SH2D3C: variants seen among roughly 807,000 people sequenced by gnomAD.
SH2D3C encodes the protein SH2 domain-containing protein 3C.
SH2D3C carries 25 observed loss-of-function variants against 75.2 expected under a neutral mutation model. That is an observed-to-expected ratio of 0.33 (90% CI 0.24 to 0.46). The LOEUF (loss-of-function observed/expected upper bound fraction) is 0.46. Among genes scored for constraint, SH2D3C ranks in the 20% least tolerant of loss-of-function variants. SH2D3C has a pLI of 1.00. For synonymous variants in SH2D3C, 450 were observed against 473.7 expected (o/e 0.95, Z 0.65); for missense variants, 933 against 1,165.3 (o/e 0.80, Z 2.90).
At chr9:127,762,313 C>A in intron 2 of SH2D3C, 1 of 1,294,884 alleles carries the variant, frequency 7.7e-7, no homozygotes. Context: ...CTCCCCCCAC[C>A]GCATGGCCTT....
At chr9:127,776,460 A>C (rs1477547092) in intron 1 of SH2D3C, among the ~76,000 whole-genome samples, 1 of 152,052 alleles carries the variant, frequency 6.6e-6, no homozygotes, top group Non-Finnish European at 1.5e-5. Context: ...CTCCAGACTC[A>C]AGAGGAACGG....
In SH2D3C at chr9:127,774,263, G is replaced by A. The variant is rs1328427044; in HGVS notation, c.242C>T (p.Pro81Leu). ...SDMYSHMGTM[P>L]RPSIKKAQNS... ...CTGTGCTTTCTTGATGCTGGGGCGA[G>A]GCATGGTGCCCATGTGGCTGTACAT... The change falls in exon 2 of 12, where the codon CCT (proline) becomes CTT (leucine). Residue 81 changes from proline to leucine, a missense_variant. By Grantham distance (98) the Pro-to-Leu change is moderately conservative. Coordinates refer to ENST00000314830, the MANE Select transcript of SH2D3C (RefSeq NM_170600.3). This position sits in a 1 kb window ranked among gnomAD's most constrained non-coding sequence, Gnocchi z 4.3. 1.2e-6 allele frequency: 2 copies of A among 1,614,054 alleles called. No homozygotes were observed. Among genetic ancestry groups the A allele is most frequent in the Non-Finnish European group, 1.7e-6 (2 of 1,179,958 alleles).
chr9:127,748,357 C>T (rs1845095551), intron 5 of SH2D3C, among the ~76,000 whole-genome samples: 3 of 152,180 alleles, frequency 2.0e-5, no homozygotes, highest in African/African-American at 7.2e-5. Flanking sequence ...TTCATCAATT[C>T]CTTGACTGGG....
chr9:127,738,899 G>A lies in SH2D3C; in HGVS notation c.2430C>T (p.Leu810=), dbSNP rs1844763916. 6.3e-7 allele frequency: 1 copy of A among 1,590,108 alleles called. No homozygotes were observed. The highest frequency in any genetic ancestry group is 8.6e-7 in the Non-Finnish European group (1 of 1,168,128). ...GGAACTCCGTGCTGAACACCTCCAG[G>A]AGCTCCGGCCGGGCCTGGAACCCTG... ...KLQGFQARPE[L]LEVFSTEFQM... Residue 810 remains leucine, a synonymous_variant, in exon 12 of 12, where the codon CTC becomes CTT. Coordinates refer to ENST00000314830, the MANE Select transcript of SH2D3C (RefSeq NM_170600.3). This position sits in a 1 kb window ranked among gnomAD's most constrained non-coding sequence, Gnocchi z 5.0.
intron 1 of SH2D3C, among the ~76,000 whole-genome samples, chr9:127,777,811 G>A (rs1249550426): frequency 1.3e-5 from 2 of 152,082 alleles, no homozygotes; most frequent in South Asian, 2.1e-4. Context: ...AGAAAGCCAC[G>A]GGATGCCCAG....
chr9:127,764,113 T>C (rs985469953), intron 2 of SH2D3C, among the ~76,000 whole-genome samples: 16 of 152,220 alleles, frequency 1.1e-4, no homozygotes, highest in African/African-American at 3.9e-4. Context: ...CTGCTTCCTG[T>C]ACTTCCCCTC....
intron 2 of SH2D3C, among the ~76,000 whole-genome samples, chr9:127,769,927 G>A (rs1424667865): frequency 6.6e-6 from 1 of 152,182 alleles, no homozygotes; most frequent in Non-Finnish European, 1.5e-5. Flanking sequence ...CCTGTCAGGT[G>A]CTTGCTGGTT....
intron 3 of SH2D3C, among the ~76,000 whole-genome samples, chr9:127,752,737 T>A (rs1289434708): frequency 6.6e-6 from 1 of 152,020 alleles, no homozygotes; most frequent in African/African-American, 2.4e-5. Context: ...ATTGACTAGG[T>A]CCCTATCCTG....
At chr9:127,770,876 G>T (rs1845719696) in intron 2 of SH2D3C, among the ~76,000 whole-genome samples, 1 of 152,174 alleles carries the variant, frequency 6.6e-6, no homozygotes, top group Non-Finnish European at 1.5e-5. Context: ...AAGAGCATGG[G>T]CCAGGAAGCT....
At chr9:127,752,545 G>A (rs920282665) in intron 3 of SH2D3C, among the ~76,000 whole-genome samples, 5 of 152,042 alleles carry the variant, frequency 3.3e-5, no homozygotes, top group African/African-American at 1.2e-4. Flanking sequence ...CTGAGAGTCC[G>A]AAGGTCCTCC....
rs1247209185 is a variant in SH2D3C, at chr9:127,762,371, C to T, written c.516-721G>A. The T allele has an allele frequency of 7.8e-6, 10 of 1,288,948 alleles. No homozygotes were observed. In the East Asian group the frequency reaches 5.0e-4, roughly 65 times the overall value. The allele number at this position is 1,288,948 out of a possible 1,614,324, so 79.8% of individuals were successfully genotyped here. ...CAGCCTGGACCTGCCCCTCCAACCCCAGACTTGGAAACCCAACTACCTCCT... is the reference window on the plus strand; with the variant it reads ...CAGCCTGGACCTGCCCCTCCAACCCTAGACTTGGAAACCCAACTACCTCCT... On this transcript the variant is annotated intron_variant, in intron 2 of 11. Transcript: ENST00000314830.
chr9:127,757,626 TGATGATGATGATGATGATG>T lies in SH2D3C; in HGVS notation c.555+3966_555+3984del, dbSNP rs1588511731. ...CAGATGATGATGATGATGATGATGA[TGATGATGATGATGATGATG>T]ATTATTATTATTATTATTATTATTT... On this transcript the variant is annotated intron_variant, in intron 3 of 11. Transcript: ENST00000314830. Among the ~76,000 whole-genome samples the T allele has an allele frequency of 6.4e-5, 8 of 125,602 alleles. No homozygotes were observed. The East Asian group carries it at 1.6e-3, about 25-fold the overall frequency. The allele number at this position is 125,602 out of a possible 152,430, so 82.4% of individuals were successfully genotyped here. A position where few individuals can be genotyped will look rare whatever the true frequency, so the allele number is the denominator to read the frequency against.
At chr9:127,771,207 C>A in intron 2 of SH2D3C, 2 of 1,546,872 alleles carry the variant, frequency 1.3e-6, no homozygotes, top group Non-Finnish European at 1.7e-6. Context: ...CAGCGCGGGG[C>A]ACCTTCGGCC....
intron 2 of SH2D3C, among the ~76,000 whole-genome samples, chr9:127,770,539 T>C (rs1013577446): frequency 6.6e-6 from 1 of 152,076 alleles, no homozygotes; most frequent in African/African-American, 2.4e-5. Flanking sequence ...AGGGTTGAGG[T>C]TCAGGGACTT....
chr9:127,767,151 T>C, intron 2 of SH2D3C: 2 of 1,535,412 alleles, frequency 1.3e-6, no homozygotes, highest in Non-Finnish European at 1.7e-6. Context: ...TGGGCTGCAG[T>C]GTCCAGCAGG....
intron 3 of SH2D3C, among the ~76,000 whole-genome samples, chr9:127,757,660 T>TC (rs1845429219): frequency 6.8e-6 from 1 of 147,038 alleles, no homozygotes; most frequent in African/African-American, 2.5e-5. Context: ...TTATTATTAT[T>TC]ATTATTATTT....
chr9:127,747,081 C>T (rs897692081), intron 6 of SH2D3C, 66 bp downstream of exon 6: 10 of 1,551,136 alleles, frequency 6.4e-6, no homozygotes, highest in Non-Finnish European at 7.9e-6. Flanking sequence ...CATAACCACA[C>T]ATAGGTGACA....
rs574304114 is a variant in SH2D3C at position 127,747,496 on chromosome 9, T to C, written c.1140-225A>G. 5.9e-5 allele frequency among the ~76,000 whole-genome samples: 9 copies of C among 152,098 alleles called. No individual in the cohort carries two copies. The East Asian group carries it at 1.7e-3, about 29-fold the overall frequency. ...TAGGAACCCTGGTGGCTAGAACGCC[T>C]GGTTTCTTTTTTTCTTTTTTTGTCT... On this transcript the variant is annotated intron_variant, in intron 5 of 11. Transcript: ENST00000314830.
chr9:127,770,711 C>G (rs1845716831), intron 2 of SH2D3C, among the ~76,000 whole-genome samples: 1 of 152,216 alleles, frequency 6.6e-6, no homozygotes. Flanking sequence ...CCTGGCTAAG[C>G]ATGATGCCAG....
Sources: allele counts gnomAD v4.1 joint callset (sites outside exome capture counted in the v4.1 genomes callset), GRCh38; gene constraint gnomAD v4.1.1; non-coding constraint Gnocchi (gnomAD v3.1); transcripts MANE v1.5; gene names NCBI Gene and HGNC (gene_info 2026-07-23, HGNC 2026-07-21).